Variants in AKAP19 observed in about 807,000 individuals in gnomAD.
AKAP19 encodes the protein A-kinase anchoring protein 19, also known as small A-kinase anchoring protein.
At chr2:190,105,566 CT>C in the AKAP19 span, among the ~76,000 whole-genome samples, 9 of 152,218 alleles carry the variant, frequency 5.9e-5, no homozygotes, top group Admixed American at 2.6e-4. Flanking sequence ...CACGATTCCT[CT>C]TTTTTTCCTC....
At chr2:190,097,270 T>C in the AKAP19 span, among the ~76,000 whole-genome samples, 1 of 151,568 alleles carries the variant, frequency 6.6e-6, no homozygotes, top group Admixed American at 6.6e-5. Flanking sequence ...TTTCCCGCCA[T>C]GTGTCTATAT....
the AKAP19 span, among the ~76,000 whole-genome samples, chr2:190,055,475 A>G: frequency 6.6e-6 from 1 of 152,192 alleles, no homozygotes; most frequent in African/African-American, 2.4e-5. Flanking sequence ...AACTTAAAGT[A>G]TAATAAAAAA....
chr2:189,913,649 G>A, the AKAP19 span, among the ~76,000 whole-genome samples: 12 of 152,132 alleles, frequency 7.9e-5, no homozygotes, highest in South Asian at 2.5e-3. Context: ...AAAATAAATT[G>A]TAAGCTCAAA....
At chr2:190,057,099 G>T in the AKAP19 span, 3 of 705,706 alleles carry the variant, frequency 4.3e-6, no homozygotes, top group Non-Finnish European at 7.0e-6. Flanking sequence ...GCCAACCATT[G>T]CATATATTCC....
the AKAP19 span, among the ~76,000 whole-genome samples, chr2:189,895,584 G>A: frequency 6.6e-6 from 1 of 152,128 alleles, no homozygotes; most frequent in Admixed American, 6.5e-5. Context: ...TAACTCTGCA[G>A]GTGTTAATGT....
chr2:190,201,056 A>AGAT, the AKAP19 span: 47,795 of 166,848 alleles, frequency 0.29, 7,347 homozygotes, highest in East Asian at 0.48. Flanking sequence ...AAAATAGACC[A>AGAT]GATAATGCAT....
the AKAP19 span, among the ~76,000 whole-genome samples, chr2:189,954,594 A>C: frequency 6.6e-6 from 1 of 152,254 alleles, no homozygotes; most frequent in Non-Finnish European, 1.5e-5. Flanking sequence ...CCTCAGGCAT[A>C]AATGGGTTAA....
At chr2:190,026,439 G>C in the AKAP19 span, among the ~76,000 whole-genome samples, 1 of 152,140 alleles carries the variant, frequency 6.6e-6, no homozygotes, top group Non-Finnish European at 1.5e-5. Context: ...TTTTAACACA[G>C]AAAGTTTTAA....
At chr2:190,004,512 T>C in the AKAP19 span, among the ~76,000 whole-genome samples, 1 of 152,132 alleles carries the variant, frequency 6.6e-6, no homozygotes, top group Non-Finnish European at 1.5e-5. Flanking sequence ...CTTTCAAAAT[T>C]ATGTTGTCCT....
the AKAP19 span, among the ~76,000 whole-genome samples, chr2:190,099,278 G>T: frequency 6.6e-6 from 1 of 152,192 alleles, no homozygotes; most frequent in Non-Finnish European, 1.5e-5. Flanking sequence ...TGAGTCACAT[G>T]TGACTGTTCC....
At chr2:190,104,024 A>G in the AKAP19 span, among the ~76,000 whole-genome samples, 1 of 152,220 alleles carries the variant, frequency 6.6e-6, no homozygotes, top group Non-Finnish European at 1.5e-5. Context: ...GACCCCAGAA[A>G]TAAAGCCTCA....
the AKAP19 span, among the ~76,000 whole-genome samples, chr2:190,108,365 A>C: frequency 6.6e-6 from 1 of 152,240 alleles, no homozygotes; most frequent in East Asian, 1.9e-4. Flanking sequence ...CATGTTGGCC[A>C]GGCTGGTCTC....
the AKAP19 span, among the ~76,000 whole-genome samples, chr2:190,041,660 A>G: frequency 6.6e-6 from 1 of 152,128 alleles, no homozygotes; most frequent in Non-Finnish European, 1.5e-5. Flanking sequence ...TTTGTCATAG[A>G]TGGCTCTTAT....
At chr2:189,916,614 G>A in the AKAP19 span, among the ~76,000 whole-genome samples, 10 of 151,980 alleles carry the variant, frequency 6.6e-5, no homozygotes, top group Admixed American at 2.6e-4. Flanking sequence ...AAGCCACTGC[G>A]CCCAGCCTAT....
the AKAP19 span, among the ~76,000 whole-genome samples, chr2:189,974,809 C>CT: frequency 6.6e-6 from 1 of 152,014 alleles, no homozygotes; most frequent in African/African-American, 2.4e-5. Flanking sequence ...CAACCCCTGC[C>CT]TTTTTTTGTT....
the AKAP19 span, among the ~76,000 whole-genome samples, chr2:190,074,764 A>C: frequency 2.0e-5 from 3 of 152,244 alleles, no homozygotes; most frequent in African/African-American, 4.8e-5. Flanking sequence ...TGGACTATAT[A>C]ATAAATGGTA....
the AKAP19 span, among the ~76,000 whole-genome samples, chr2:190,008,572 T>C: frequency 6.6e-6 from 1 of 152,202 alleles, no homozygotes; most frequent in Admixed American, 6.5e-5. Context: ...TAGAGCTTTA[T>C]GATCATGAGT....
the AKAP19 span, among the ~76,000 whole-genome samples, chr2:190,089,312 G>GCCA: frequency 6.6e-6 from 1 of 151,024 alleles, no homozygotes; most frequent in Admixed American, 6.6e-5. Context: ...TTTGACTCTG[G>GCCA]GGTCCTTCAG....
At chr2:189,986,331 T>C in the AKAP19 span, among the ~76,000 whole-genome samples, 2 of 151,648 alleles carry the variant, frequency 1.3e-5, no homozygotes, top group African/African-American at 4.9e-5. Flanking sequence ...ATGAACAATT[T>C]TGACTATACA....
Sources: allele counts gnomAD v4.1 joint callset (sites outside exome capture counted in the v4.1 genomes callset), GRCh38; gene constraint gnomAD v4.1.1; transcripts MANE v1.5; gene names NCBI Gene and HGNC (gene_info 2026-07-23, HGNC 2026-07-21).